The following MECOM variants were observed in gnomAD, a reference collection of about 807,000 sequenced individuals.
MECOM encodes MDS1 and EVI1 complex locus.
A neutral mutation model predicts 116.3 loss-of-function variants in MECOM; 13 were observed. That is an observed-to-expected ratio of 0.11 (90% CI 0.07 to 0.18). The LOEUF (loss-of-function observed/expected upper bound fraction) is 0.18. MECOM is among the 10% of genes least tolerant of loss of function. The pLI is 1.00. For synonymous variants in MECOM, 528 were observed against 535.2 expected (o/e 0.99, Z 0.19); for missense variants, 1,299 against 1,509.0 (o/e 0.86, Z 2.31).
At chr3:169,650,260 A>G (rs1423064506) in intron 1 of MECOM, among the ~76,000 whole-genome samples, 1 of 152,246 alleles carries the variant, frequency 6.6e-6, no homozygotes, top group Non-Finnish European at 1.5e-5. Context: ...TTCATAATTC[A>G]TAAGCTAGAA....
intron 1 of MECOM, among the ~76,000 whole-genome samples, chr3:169,477,648 C>A (rs1259934597): frequency 3.3e-5 from 5 of 152,164 alleles, no homozygotes; most frequent in African/African-American, 4.8e-5. Context: ...TGCCCAAACA[C>A]CTTTCTTCTT....
At chr3:169,194,067 T>C (rs1204477728) in intron 2 of MECOM, among the ~76,000 whole-genome samples, 3 of 152,094 alleles carry the variant, frequency 2.0e-5, no homozygotes, top group East Asian at 3.9e-4. Flanking sequence ...ATGACTCATA[T>C]ATGCTTTTCA....
In MECOM at chr3:169,378,503, AAGAAAGAAAGAAAAGAAAGAAAG is replaced by A. The variant is rs1199049976; in HGVS notation, c.375+2661_375+2683del. On this transcript the variant is annotated intron_variant, in intron 2 of 16. Coordinates refer to ENST00000651503, the MANE Select transcript of MECOM (RefSeq NM_004991.4). Reference sequence around the variant, plus strand: ...AAAGAGAGAGAGAAAGAAAGAAAGAAAGAAAGAAAGAAAAGAAAGAAAGAAAGAAAGAAAGAAAGAAAGAAAGA... The same window carrying A: ...AAAGAGAGAGAGAAAGAAAGAAAGAAAAAGAAAGAAAGAAAGAAAGAAAGA... Among the ~76,000 whole-genome samples, 161 of 33,146 alleles carry A rather than the reference AAGAAAGAAAGAAAAGAAAGAAAG, an allele frequency of 4.9e-3. 10 individuals are homozygous for A. The highest frequency in any genetic ancestry group is 8.7e-3 in the African/African-American group (52 of 6,010). 21.7% of individuals were successfully genotyped at this position (33,146 alleles called of 152,430 possible).
At chr3:169,644,555 C>G (rs1327086637) in intron 1 of MECOM, among the ~76,000 whole-genome samples, 1 of 152,156 alleles carries the variant, frequency 6.6e-6, no homozygotes, top group Non-Finnish European at 1.5e-5. Context: ...CCACACCCGG[C>G]CCCTACCATT....
intron 2 of MECOM, among the ~76,000 whole-genome samples, chr3:169,210,584 C>A (rs1334412319): frequency 6.6e-6 from 1 of 152,078 alleles, no homozygotes; most frequent in African/African-American, 2.4e-5. Context: ...AGAAGCTAAT[C>A]AGAAGAAATA....
At chr3:169,410,064 A>G (rs1269791544) in intron 1 of MECOM, among the ~76,000 whole-genome samples, 3 of 152,206 alleles carry the variant, frequency 2.0e-5, no homozygotes, top group Non-Finnish European at 4.4e-5. Context: ...TTCAGACAGC[A>G]ACAATAAGTC....
chr3:169,085,938 T>C (rs907413167), intron 16 of MECOM, among the ~76,000 whole-genome samples: 8 of 152,222 alleles, frequency 5.3e-5, no homozygotes, highest in African/African-American at 1.9e-4. Context: ...CTAAACTTGC[T>C]TGTCAAAATG....
chr3:169,109,244 CA>C (rs1726497586), intron 9 of MECOM, among the ~76,000 whole-genome samples: 1 of 152,180 alleles, frequency 6.6e-6, no homozygotes, highest in African/African-American at 2.4e-5. Flanking sequence ...GAAGCCTCTA[CA>C]ACGCTTATTT....
At position 169,263,125 on chromosome 3, in the gene MECOM, A is replaced by G. The variant is rs1185774125; in HGVS notation, c.375+118062T>C. On this transcript the variant is annotated intron_variant, in intron 2 of 16. Coordinates refer to ENST00000651503, the MANE Select transcript of MECOM (RefSeq NM_004991.4). ...TATATATATATATATATATATATAT[A>G]TATGTTTTTTTTTTTTTTTTTGAGA... Among the ~76,000 whole-genome samples, 64 of 19,552 alleles carry G rather than the reference A, an allele frequency of 3.3e-3. 4 individuals carry two copies. The highest frequency in any genetic ancestry group is 0.013 in the African/African-American group (51 of 3,804). The allele number at this position is 19,552 out of a possible 152,430, so 12.8% of individuals were successfully genotyped here.
chr3:169,272,166 T>G (rs1353060651), intron 2 of MECOM, among the ~76,000 whole-genome samples: 15 of 152,178 alleles, frequency 9.9e-5, no homozygotes, highest in Non-Finnish European at 1.5e-5. Flanking sequence ...AGATTAACCC[T>G]TTGGCAGGGT....
At chr3:169,263,319 G>C (rs541482308) in intron 2 of MECOM, among the ~76,000 whole-genome samples, 67 of 150,794 alleles carry the variant, frequency 4.4e-4, no homozygotes, top group African/African-American at 1.6e-3. Context: ...TAGTAGACAC[G>C]GGGTTTCACC....
intron 2 of MECOM, among the ~76,000 whole-genome samples, chr3:169,341,494 C>T (rs1025853064): frequency 6.7e-6 from 1 of 148,512 alleles, no homozygotes; most frequent in Non-Finnish European, 1.5e-5. Context: ...GTAAGCCCAA[C>T]ACTTTGGGAG....
At chr3:169,418,486 T>C (rs895499411) in intron 1 of MECOM, among the ~76,000 whole-genome samples, 13 of 152,134 alleles carry the variant, frequency 8.5e-5, no homozygotes, top group African/African-American at 3.1e-4. Flanking sequence ...TGAACATCAA[T>C]GCGAATATCC....
intron 1 of MECOM, among the ~76,000 whole-genome samples, chr3:169,580,559 G>C (rs1251184735): frequency 1.3e-5 from 2 of 152,164 alleles, no homozygotes; most frequent in African/African-American, 4.8e-5. Context: ...AAAAGGTTTA[G>C]AACTCAGATA....
At chr3:169,374,930 G>A (rs1202345924) in intron 2 of MECOM, among the ~76,000 whole-genome samples, 3 of 151,762 alleles carry the variant, frequency 2.0e-5, no homozygotes, top group South Asian at 2.1e-4. Context: ...CTAGCTACTT[G>A]GAAGACTGAG....
chr3:169,659,239 C>T (rs1775929947), intron 1 of MECOM, among the ~76,000 whole-genome samples: 1 of 151,950 alleles, frequency 6.6e-6, no homozygotes, highest in Non-Finnish European at 1.5e-5. Flanking sequence ...GGCTAGCCGG[C>T]AAAAGTCACA....
intron 2 of MECOM, among the ~76,000 whole-genome samples, chr3:169,274,184 T>C (rs2149663890): frequency 6.6e-6 from 1 of 152,178 alleles, no homozygotes; most frequent in East Asian, 1.9e-4. Flanking sequence ...AGTGCTGGGA[T>C]TACAGGCATG....
intron 2 of MECOM, among the ~76,000 whole-genome samples, chr3:169,316,988 T>A (rs1719856479): frequency 6.6e-6 from 1 of 152,216 alleles, no homozygotes; most frequent in South Asian, 2.1e-4. Flanking sequence ...CTTGGTAAAT[T>A]AGATCAAAAA....
At chr3:169,449,862 G>A (rs1030418960) in intron 1 of MECOM, among the ~76,000 whole-genome samples, 1 of 152,290 alleles carries the variant, frequency 6.6e-6, no homozygotes, top group East Asian at 1.9e-4. Flanking sequence ...CAAAGCAGGT[G>A]TAAACTTGGG....
Sources: allele counts gnomAD v4.1 joint callset (sites outside exome capture counted in the v4.1 genomes callset), GRCh38; gene constraint gnomAD v4.1.1; transcripts MANE v1.5; gene names NCBI Gene and HGNC (gene_info 2026-07-23, HGNC 2026-07-21).